Variants in DNAH12 observed in about 807,000 individuals in gnomAD.
The protein encoded by DNAH12 is dynein axonemal heavy chain 12.
A neutral mutation model predicts 371.5 loss-of-function variants in DNAH12; 285 were observed. The ratio of observed to expected loss-of-function variants is 0.77; its 90% CI spans 0.70 to 0.85. The LOEUF (loss-of-function observed/expected upper bound fraction) is 0.85, where lower values mean the gene tolerates loss of function less well. Ranked by LOEUF, DNAH12 falls within the 40% of genes least tolerant of loss-of-function variation. DNAH12 has a pLI of 0.00. For missense variants in DNAH12, 3,611 were observed against 3,689.4 expected, an observed-to-expected ratio of 0.98 and a Z score of 0.55; for synonymous variants, 1,200 against 1,213.0, an observed-to-expected ratio of 0.99 and a Z score of 0.22.
intron 32 of DNAH12, among the ~76,000 whole-genome samples, chr3:57,430,128 G>A (rs1217546722): frequency 1.3e-5 from 2 of 151,938 alleles, no homozygotes; most frequent in Non-Finnish European, 2.9e-5. Flanking sequence ...AGTGACCATA[G>A]ACCTTTTTAT....
At chr3:57,550,584 C>G in the DNAH12 span, among the ~76,000 whole-genome samples, 1 of 152,092 alleles carries the variant, frequency 6.6e-6, no homozygotes, top group Non-Finnish European at 1.5e-5. Flanking sequence ...GCAATCTTGG[C>G]TCACTGCAAC....
intron 71 of DNAH12, 113 bp downstream of exon 71, chr3:57,296,734 T>A: frequency 8.1e-7 from 1 of 1,229,420 alleles, no homozygotes; most frequent in Non-Finnish European, 1.1e-6. Context: ...CAAATATTCT[T>A]ACAACACAAA....
intron 68 of DNAH12, among the ~76,000 whole-genome samples, 167 bp downstream of exon 68, chr3:57,309,499 T>TA (rs1243501229): frequency 1.3e-5 from 2 of 152,124 alleles, no homozygotes; most frequent in Admixed American, 6.5e-5. Flanking sequence ...TCAAAAAACT[T>TA]AAAAAAATTG....
rs370685216 is a variant in DNAH12 at position 57,311,025 on chromosome 3, T to C, written c.10663-75A>G. 2.5e-4 allele frequency: 266 copies of C among 1,050,452 alleles called. 1 individual carries two copies. The East Asian group carries it at 3.1e-3, about 12-fold the overall frequency. The allele number at this position is 1,050,452 out of a possible 1,614,324, so 65.1% of individuals were successfully genotyped here. On this transcript the variant is annotated intron_variant, in intron 66 of 73. Coordinates refer to ENST00000495027, the MANE Select transcript of DNAH12 (RefSeq NM_001366028.2). ...CATTTCCATTTTAAGTATGTATCTA[T>C]CTATCTAGAAAGGGGGTTGAAAGAA...
At chr3:57,459,811 A>C (rs1428315921) in intron 19 of DNAH12, 25 bp from the exon 20 acceptor site, 1 of 1,329,292 alleles carries the variant, frequency 7.5e-7, no homozygotes, top group Non-Finnish European at 9.7e-7. Context: ...TACTGCACTA[A>C]ATTCTAGTTA....
intron 4 of DNAH12, among the ~76,000 whole-genome samples, chr3:57,513,136 CAA>C (rs57769589): frequency 7.7e-5 from 8 of 103,682 alleles, no homozygotes; most frequent in Non-Finnish European, 6.0e-5. Flanking sequence ...GACTTCATCT[CAA>C]AAAAAAAAAA....
chr3:57,417,355 T>G (rs758899710), intron 37 of DNAH12, among the ~76,000 whole-genome samples: 57 of 152,228 alleles, frequency 3.7e-4, no homozygotes, highest in Admixed American at 1.2e-3. Context: ...TATGCTAGTA[T>G]TAATTTTGAA....
At chr3:57,369,649 G>C (rs1001893688) in intron 55 of DNAH12, among the ~76,000 whole-genome samples, 2 of 152,028 alleles carry the variant, frequency 1.3e-5, no homozygotes, top group Non-Finnish European at 2.9e-5. Flanking sequence ...ACCACAGCAA[G>C]AAAGCAAACA....
chr3:57,537,973 A>G (rs556082864), intron 2 of DNAH12, among the ~76,000 whole-genome samples: 18 of 152,282 alleles, frequency 1.2e-4, no homozygotes, highest in Admixed American at 6.5e-4. Flanking sequence ...GTGAGCCACC[A>G]CGCCCGGCTG....
the DNAH12 span, among the ~76,000 whole-genome samples, chr3:57,555,727 T>C: frequency 4.5e-4 from 69 of 152,254 alleles, no homozygotes; most frequent in Non-Finnish European, 8.5e-4. Context: ...TCGCATAGTC[T>C]GCGCTCACTA....
intron 43 of DNAH12, chr3:57,402,443 TA>T (rs1553679259): frequency 7.7e-7 from 1 of 1,304,704 alleles, no homozygotes; most frequent in East Asian, 5.5e-5. Context: ...AAGAAACTAT[TA>T]AGATTACTAC....
At chr3:57,454,049 T>C (rs374510610) in intron 23 of DNAH12, among the ~76,000 whole-genome samples, 15 of 152,128 alleles carry the variant, frequency 9.9e-5, no homozygotes. Context: ...TTTGAGGTTA[T>C]ACTGAGCTAT....
intron 55 of DNAH12, among the ~76,000 whole-genome samples, chr3:57,372,444 T>C (rs1196383434): frequency 6.6e-6 from 1 of 151,926 alleles, no homozygotes; most frequent in Non-Finnish European, 1.5e-5. Flanking sequence ...AAGGTAAACA[T>C]AAGACTTTTT....
chr3:57,531,346 C>T (rs567347951), intron 2 of DNAH12, among the ~76,000 whole-genome samples: 3 of 152,258 alleles, frequency 2.0e-5, no homozygotes, highest in Admixed American at 2.0e-4. Flanking sequence ...TTTCTCTTGG[C>T]TTGTAAGGTT....
chr3:57,307,222 A>G (rs190362139), intron 69 of DNAH12, among the ~76,000 whole-genome samples: 144 of 141,576 alleles, frequency 1.0e-3, no homozygotes, highest in African/African-American at 3.6e-3. Flanking sequence ...AGGCATGGTT[A>G]GATACGACTT....
At chr3:57,421,386 A>C in intron 36 of DNAH12, 132 bp downstream of exon 36, 1 of 697,060 alleles carries the variant, frequency 1.4e-6, no homozygotes, top group Non-Finnish European at 2.3e-6. Context: ...ATGGGAGGTG[A>C]AACTAAAAGA....
intron 58 of DNAH12, among the ~76,000 whole-genome samples, chr3:57,359,113 A>ATGT (rs2062863633): frequency 3.3e-5 from 5 of 152,174 alleles, no homozygotes; most frequent in Non-Finnish European, 7.4e-5. Flanking sequence ...TAATAACTTA[A>ATGT]TTAGTATTCC....
chr3:57,302,423 A>G (rs573232626), intron 69 of DNAH12, among the ~76,000 whole-genome samples: 1 of 150,408 alleles, frequency 6.6e-6, no homozygotes, highest in Non-Finnish European at 1.5e-5. Flanking sequence ...ACTTGTAGTG[A>G]GAGTTTTTAG....
intron 2 of DNAH12, among the ~76,000 whole-genome samples, chr3:57,526,517 G>A (rs1039244499): frequency 1.4e-5 from 2 of 142,832 alleles, no homozygotes; most frequent in Non-Finnish European, 3.1e-5. Context: ...CACTGAGGTT[G>A]TTTCCAGATC....
Sources: allele counts gnomAD v4.1 joint callset (sites outside exome capture counted in the v4.1 genomes callset), GRCh38; gene constraint gnomAD v4.1.1; transcripts MANE v1.5; gene names NCBI Gene and HGNC (gene_info 2026-07-23, HGNC 2026-07-21).